The following UNC13C variants were observed in gnomAD, a reference collection of about 807,000 sequenced individuals.
UNC13C encodes unc-13 homolog C, also known as protein unc-13 homolog C.
A neutral mutation model predicts 245.4 loss-of-function variants in UNC13C; 174 were observed. The ratio of observed to expected loss-of-function variants is 0.71; its 90% confidence interval spans 0.63 to 0.80. The LOEUF (loss-of-function observed/expected upper bound fraction) is 0.80. Ranked by LOEUF, UNC13C falls within the 30% of genes least tolerant of loss-of-function variation. UNC13C has a pLI of 0.00. For synonymous variants in UNC13C, 992 were observed against 895.1 expected, an observed-to-expected ratio of 1.11 and a Z score of -1.93; for missense variants, 2,829 against 2,602.9, an observed-to-expected ratio of 1.09 and a Z score of -1.89.
the UNC13C span, among the ~76,000 whole-genome samples, chr15:53,935,199 AGG>A: frequency 6.6e-6 from 1 of 151,852 alleles, no homozygotes; most frequent in Non-Finnish European, 1.5e-5. Flanking sequence ...TTGAGGAGGA[AGG>A]GGCCACCCAT....
At chr15:54,486,831 C>T (rs1373692921) in intron 19 of UNC13C, among the ~76,000 whole-genome samples, 2 of 152,146 alleles carry the variant, frequency 1.3e-5, no homozygotes, top group Non-Finnish European at 2.9e-5. Flanking sequence ...TACCTGTATA[C>T]TGCTTCCTAA....
rs775268180 is a variant in UNC13C at position 54,014,532 on chromosome 15, T to C, written c.1629T>C (p.Thr543=). 2 of 1,613,884 alleles carry C rather than the reference T, an allele frequency of 1.2e-6. No individual in the cohort carries two copies. Among genetic ancestry groups the C allele is most frequent in the Admixed American group, 3.3e-5 (2 of 59,968 alleles). Residue 543 remains threonine, a synonymous_variant, in exon 2 of 33, where the codon ACT becomes ACC. Coordinates refer to ENST00000260323, the MANE Select transcript of UNC13C (RefSeq NM_001080534.3). The part of the protein sequence containing the change: ...PLWHSQSDFF[T]AKLSRSESDF... ...GGCACTCACAGAGTGATTTTTTCAC[T>C]GCTAAACTTAGTCGTTCTGAATCAG...
At chr15:54,075,584 G>A (rs981163035) in intron 2 of UNC13C, among the ~76,000 whole-genome samples, 3 of 138,056 alleles carry the variant, frequency 2.2e-5, no homozygotes, top group Admixed American at 7.3e-5. Context: ...AAAAAGGAGT[G>A]TCCAAAACTG....
intron 2 of UNC13C, among the ~76,000 whole-genome samples, chr15:54,076,377 C>A (rs185231353): frequency 6.7e-6 from 1 of 149,944 alleles, no homozygotes; most frequent in Non-Finnish European, 1.5e-5. Context: ...TTTGTTCTTG[C>A]GATAGTTTAC....
In UNC13C at chr15:54,160,814, T is replaced by C. The variant is rs554416991; in HGVS notation, c.3071+17130T>C. On this transcript the variant is annotated intron_variant, in intron 4 of 32. Coordinates refer to ENST00000260323, the MANE Select transcript of UNC13C (RefSeq NM_001080534.3). The stretch of plus-strand genomic sequence containing the variant: ...TTTACATGTTGGTCATTAGTAATTG[T>C]TTCTGGTTTGTAAATATGTTCTAAT... Among the ~76,000 whole-genome samples, 11 of 152,330 alleles carry C rather than the reference T, an allele frequency of 7.2e-5. No homozygotes were observed. In the East Asian group the frequency reaches 7.7e-4, roughly 11 times the overall value.
At chr15:54,570,079 G>C (rs1479800180) in intron 30 of UNC13C, among the ~76,000 whole-genome samples, 1 of 152,120 alleles carries the variant, frequency 6.6e-6, no homozygotes, top group East Asian at 1.9e-4. Flanking sequence ...AGGGGAAGAA[G>C]AAGAGGCCCT....
chr15:54,361,581 C>T (rs534878589), intron 17 of UNC13C, among the ~76,000 whole-genome samples: 157 of 152,286 alleles, frequency 1.0e-3, no homozygotes, highest in African/African-American at 3.6e-3. Flanking sequence ...TTGATGTCTT[C>T]ACATTTGAGA....
chr15:54,250,749 C>CTTTTTTTTT (rs1296024773), intron 8 of UNC13C, among the ~76,000 whole-genome samples: 63 of 88,872 alleles, frequency 7.1e-4, no homozygotes, highest in Non-Finnish European at 1.0e-3. Flanking sequence ...TTCTTTCTTT[C>CTTTTTTTTT]TTTTTTTTTT....
chr15:54,632,589 G>T (rs1901475019), downstream of UNC13C: 1 of 152,006 alleles, frequency 6.6e-6, no homozygotes, highest in South Asian at 2.1e-4. Context: ...ATTTTCATAG[G>T]CATGTCCAAT....
rs531892675 is a variant in UNC13C, at chr15:54,447,956, A to G, written c.4933+32889A>G. ...ACACACTGCTTTATATGTGTCCCAG[A>G]GATTCTGGTATGTTGTGTCTTTGTT... On this transcript the variant is annotated intron_variant, in intron 19 of 32. Coordinates refer to ENST00000260323, the MANE Select transcript of UNC13C (RefSeq NM_001080534.3). Among the ~76,000 whole-genome samples, 19 of 152,276 alleles carry G rather than the reference A, an allele frequency of 1.2e-4. No individual in the cohort carries two copies. In the South Asian group the frequency reaches 3.1e-3, roughly 25 times the overall value.
chr15:54,550,573 T>C (rs1896691736), intron 28 of UNC13C, among the ~76,000 whole-genome samples: 1 of 152,152 alleles, frequency 6.6e-6, no homozygotes, highest in South Asian at 2.1e-4. Context: ...TTTACTGAGG[T>C]AAAATATGTG....
the UNC13C span, among the ~76,000 whole-genome samples, chr15:53,845,843 A>G: frequency 1.3e-5 from 2 of 152,170 alleles, no homozygotes; most frequent in African/African-American, 4.8e-5. Flanking sequence ...TGCAGGCAGC[A>G]TCATTTTTCA....
chr15:54,126,570 A>T (rs559289774), intron 2 of UNC13C, among the ~76,000 whole-genome samples: 2 of 152,300 alleles, frequency 1.3e-5, no homozygotes, highest in African/African-American at 4.8e-5. Context: ...AAGATGGATT[A>T]AAGACTTAAA....
At chr15:53,983,082 A>C (rs1201875650) in intron 1 of UNC13C, among the ~76,000 whole-genome samples, 1 of 152,128 alleles carries the variant, frequency 6.6e-6, no homozygotes, top group East Asian at 1.9e-4. Context: ...GGAACTGCAC[A>C]TTTTGTATAA....
intron 2 of UNC13C, among the ~76,000 whole-genome samples, chr15:54,077,396 T>TTTA (rs1481362308): frequency 7.4e-6 from 1 of 135,086 alleles, no homozygotes. Flanking sequence ...TTTTTTTTTT[T>TTTA]GAGACAGAGT....
chr15:54,441,985 TA>T (rs1890552548), intron 19 of UNC13C, among the ~76,000 whole-genome samples: 1 of 152,062 alleles, frequency 6.6e-6, no homozygotes, highest in Non-Finnish European at 1.5e-5. Context: ...AGTTCATTAT[TA>T]TTGTATAGAA....
intron 19 of UNC13C, among the ~76,000 whole-genome samples, chr15:54,468,613 A>G (rs1474768707): frequency 6.6e-6 from 1 of 151,536 alleles, no homozygotes; most frequent in Non-Finnish European, 1.5e-5. Context: ...CTATTTTGAG[A>G]TGATTCTTGT....
intron 19 of UNC13C, among the ~76,000 whole-genome samples, chr15:54,441,622 C>T (rs1392898875): frequency 6.6e-6 from 1 of 151,982 alleles, no homozygotes; most frequent in African/African-American, 2.4e-5. Context: ...AAGTCAGATA[C>T]TCTGATATCT....
chr15:54,299,322 T>C (rs1191656807), intron 12 of UNC13C, among the ~76,000 whole-genome samples: 1 of 152,188 alleles, frequency 6.6e-6, no homozygotes, highest in Non-Finnish European at 1.5e-5. Flanking sequence ...GTAGTAATTT[T>C]ATTTCGTTAC....
Sources: allele counts gnomAD v4.1 joint callset (sites outside exome capture counted in the v4.1 genomes callset), GRCh38; gene constraint gnomAD v4.1.1; transcripts MANE v1.5; gene names NCBI Gene and HGNC (gene_info 2026-07-23, HGNC 2026-07-21).